Variants in ZNF148 observed in about 807,000 individuals in gnomAD.
ZNF148 encodes zinc finger protein 148, also known as Beta-Enolase Repressor Factor-1.
ZNF148 carries 7 observed loss-of-function variants against 67.7 expected under a neutral mutation model. The ratio of observed to expected loss-of-function variants is 0.10; its 90% CI spans 0.06 to 0.19. ZNF148 has a LOEUF of 0.19. ZNF148 is among the 10% of genes least tolerant of loss of function. ZNF148 has a pLI of 1.00. For synonymous variants in ZNF148, 333 were observed against 330.7 expected (o/e 1.01, Z -0.08); for missense variants, 583 against 947.1 (o/e 0.62, Z 5.05).
chr3:125,298,483 T>C (rs1297493811), intron 4 of ZNF148, among the ~76,000 whole-genome samples: 1 of 152,040 alleles, frequency 6.6e-6, no homozygotes, highest in African/African-American at 2.4e-5. Flanking sequence ...CTCATTAAAA[T>C]AGGGCAGTTT....
chr3:125,346,533 A>T (rs2333197), intron 1 of ZNF148, among the ~76,000 whole-genome samples: 6 of 151,970 alleles, frequency 3.9e-5, no homozygotes, highest in Admixed American at 3.3e-4. Context: ...CCACATATCA[A>T]GACAGGGACC....
intron 1 of ZNF148, among the ~76,000 whole-genome samples, chr3:125,338,098 T>C (rs560098316): frequency 6.6e-6 from 1 of 152,070 alleles, no homozygotes; most frequent in African/African-American, 2.4e-5. Context: ...AGTGAGACCC[T>C]ATCTCCAAAT....
At chr3:125,369,383 T>TGAA (rs1942806207) in intron 1 of ZNF148, among the ~76,000 whole-genome samples, 1 of 22,006 alleles carries the variant, frequency 4.5e-5, no homozygotes, top group African/African-American at 2.2e-4. Flanking sequence ...TACTGCAACC[T>TGAA]CAAAAAAAAA....
intron 7 of ZNF148, among the ~76,000 whole-genome samples, chr3:125,235,763 T>C (rs1445208050): frequency 1.3e-5 from 2 of 151,878 alleles, no homozygotes; most frequent in Non-Finnish European, 2.9e-5. Flanking sequence ...TGGAATACTA[T>C]GCAGCCATAA....
intron 4 of ZNF148, among the ~76,000 whole-genome samples, chr3:125,293,389 CT>C (rs1357850133): frequency 6.6e-6 from 1 of 152,114 alleles, no homozygotes. Flanking sequence ...AGCTTGTTTG[CT>C]GAGGTCACTG....
chr3:125,310,657 CA>C (rs1391552048), intron 4 of ZNF148, among the ~76,000 whole-genome samples: 8 of 151,984 alleles, frequency 5.3e-5, no homozygotes, highest in African/African-American at 1.9e-4. Flanking sequence ...GGAAAAAAAT[CA>C]AGAAAATCAA....
chr3:125,348,323 G>A (rs1942020297), intron 1 of ZNF148, among the ~76,000 whole-genome samples: 1 of 151,420 alleles, frequency 6.6e-6, no homozygotes, highest in African/African-American at 2.4e-5. Flanking sequence ...CTTCAAAAGT[G>A]TCACAAGAAA....
intron 1 of ZNF148, among the ~76,000 whole-genome samples, chr3:125,366,378 C>T (rs1942702881): frequency 6.6e-6 from 1 of 152,188 alleles, no homozygotes; most frequent in Non-Finnish European, 1.5e-5. Context: ...TCAAGGCCAT[C>T]CATTTTCAAC....
chr3:125,364,130 G>A (rs1242420175), intron 1 of ZNF148, among the ~76,000 whole-genome samples: 1 of 152,208 alleles, frequency 6.6e-6, no homozygotes, highest in East Asian at 1.9e-4. Flanking sequence ...CAGGTATGGT[G>A]GCTCATGCCT....
intron 3 of ZNF148, among the ~76,000 whole-genome samples, chr3:125,319,702 T>C (rs549459221): frequency 1.3e-5 from 2 of 152,340 alleles, no homozygotes; most frequent in Admixed American, 6.5e-5. Context: ...ATTACCTTAC[T>C]TAATATTTAC....
At chr3:125,309,129 A>G (rs1183800450) in intron 4 of ZNF148, among the ~76,000 whole-genome samples, 1 of 152,232 alleles carries the variant, frequency 6.6e-6, no homozygotes, top group South Asian at 2.1e-4. Context: ...AGGATTACTA[A>G]AACATTTGGT....
At chr3:125,278,993 G>T in intron 6 of ZNF148, 131 bp downstream of exon 6, 1 of 953,502 alleles carries the variant, frequency 1.0e-6, no homozygotes, top group Non-Finnish European at 1.4e-6. Flanking sequence ...CTGACATTCT[G>T]GCCTACAAAA....
chr3:125,298,678 G>A (rs562816525), intron 4 of ZNF148, among the ~76,000 whole-genome samples: 2 of 135,556 alleles, frequency 1.5e-5, no homozygotes, highest in Non-Finnish European at 3.0e-5. Context: ...AGGCTGGAGT[G>A]CAGTGGCGTG....
intron 7 of ZNF148, among the ~76,000 whole-genome samples, chr3:125,247,780 C>T (rs1472385935): frequency 1.3e-5 from 2 of 152,154 alleles, no homozygotes; most frequent in Non-Finnish European, 2.9e-5. Flanking sequence ...AGGTTTTAAA[C>T]TTCCACTTTA....
At chr3:125,374,240 C>T (rs925540191) in intron 1 of ZNF148, among the ~76,000 whole-genome samples, 4 of 152,160 alleles carry the variant, frequency 2.6e-5, no homozygotes, top group Non-Finnish European at 5.9e-5. Flanking sequence ...ATGTCATCTA[C>T]TGAACAGCCC....
intron 4 of ZNF148, among the ~76,000 whole-genome samples, chr3:125,289,213 A>G (rs1361762481): frequency 6.6e-6 from 1 of 152,194 alleles, no homozygotes; most frequent in East Asian, 1.9e-4. Context: ...TTCAAGAAAC[A>G]CACTAAAAAG....
chr3:125,346,661 C>A (rs1941955934), intron 1 of ZNF148, among the ~76,000 whole-genome samples: 1 of 152,182 alleles, frequency 6.6e-6, no homozygotes, highest in South Asian at 2.1e-4. Context: ...AAGCAACTGG[C>A]ATTTCCACTA....
At position 125,232,985 on chromosome 3, in the gene ZNF148, C is replaced by T. The variant is rs1306109676; in HGVS notation, c.1741G>A (p.Val581Ile). 1.2e-6 allele frequency: 2 copies of T among 1,613,650 alleles called. No homozygotes were observed. Among genetic ancestry groups the T allele is most frequent in the South Asian group, 2.2e-5 (2 of 91,080 alleles). Residue 581 changes from valine to isoleucine, a missense_variant, in exon 9 of 9, where the codon GTC (valine) becomes ATC (isoleucine). Val to Ile is a conservative substitution (Grantham distance 29). Coordinates refer to ENST00000360647, the MANE Select transcript of ZNF148 (RefSeq NM_021964.3). The surrounding 1 kb of genome is among the most constrained non-coding windows in gnomAD (Gnocchi z 4.2). ...GATCCAACATTCTCTGACGGGGTGA[C>T]CTCTGGTACTTCTGAAGAATTTATT... ...ISINSSEVPE[V>I]TPSENVGSSS...
chr3:125,293,870 T>C (rs1032615155), intron 4 of ZNF148, among the ~76,000 whole-genome samples: 1 of 152,100 alleles, frequency 6.6e-6, no homozygotes, highest in Non-Finnish European at 1.5e-5. Flanking sequence ...CTGAAGTTAG[T>C]GGGCAAAATT....
Sources: allele counts gnomAD v4.1 joint callset (sites outside exome capture counted in the v4.1 genomes callset), GRCh38; gene constraint gnomAD v4.1.1; non-coding constraint Gnocchi (gnomAD v3.1); transcripts MANE v1.5; gene names NCBI Gene and HGNC (gene_info 2026-07-23, HGNC 2026-07-21).